IL34: variants seen among roughly 807,000 people sequenced by gnomAD.
IL34 encodes the protein interleukin 34.
IL34 carries 17 observed loss-of-function variants against 25.3 expected under a neutral mutation model. The observed-to-expected ratio is 0.67, with a 90% CI of 0.46 to 1.01. The LOEUF is 1.01. Among genes scored for constraint, IL34 ranks in the 50% least tolerant of loss-of-function variants. IL34 has a pLI of 0.00. For synonymous variants in IL34, 174 were observed against 140.9 expected, an observed-to-expected ratio of 1.23 and a Z score of -1.66; for missense variants, 368 against 312.9, an observed-to-expected ratio of 1.18 and a Z score of -1.33.
At chr16:70,584,757 G>A (rs1053715029) in intron 1 of IL34, among the ~76,000 whole-genome samples, 1 of 151,822 alleles carries the variant, frequency 6.6e-6, no homozygotes, top group African/African-American at 2.4e-5. Flanking sequence ...CTAGAGTCCA[G>A]TGGCATGATC....
upstream of IL34, among the ~76,000 whole-genome samples, chr16:70,644,162 A>G (rs1309943778): frequency 6.6e-6 from 1 of 152,172 alleles, no homozygotes; most frequent in Non-Finnish European, 1.5e-5. Context: ...TTTAGTAGAG[A>G]CAGGGTTTCA....
At chr16:70,582,396 G>A (rs1371551296) in intron 1 of IL34, among the ~76,000 whole-genome samples, 2 of 152,256 alleles carry the variant, frequency 1.3e-5, no homozygotes, top group East Asian at 1.9e-4. Flanking sequence ...GCCCCAGCCC[G>A]CTGTCACCGG....
intron 1 of IL34, among the ~76,000 whole-genome samples, chr16:70,605,504 C>A (rs1360907955): frequency 6.6e-6 from 1 of 152,134 alleles, no homozygotes; most frequent in Non-Finnish European, 1.5e-5. Flanking sequence ...ACCCATTAAA[C>A]AACTCCTCTT....
intron 1 of IL34, among the ~76,000 whole-genome samples, chr16:70,648,660 G>A (rs2052003413): frequency 6.6e-6 from 1 of 151,992 alleles, no homozygotes; most frequent in African/African-American, 2.4e-5. Context: ...GGCAAAGACT[G>A]GCTGGGGGAT....
chr16:70,600,037 G>C (rs1348359321), intron 1 of IL34, among the ~76,000 whole-genome samples: 1 of 152,008 alleles, frequency 6.6e-6, no homozygotes, highest in African/African-American at 2.4e-5. Context: ...CCAATGTAGA[G>C]TCCCCTGACA....
rs374146651 is a variant in IL34 at position 70,659,681 on chromosome 16, C to G, written c.466C>G (p.Leu156Val). 2 of 1,613,072 alleles carry G rather than the reference C, an allele frequency of 1.2e-6. No individual in the cohort carries two copies. Among genetic ancestry groups the G allele is most frequent in the African/African-American group, 1.3e-5 (1 of 75,028 alleles). ...LSLLNAPGPN[L>V]KLVRPKALLD... ...CCTCTTGAATGCCCCAGGGCCAAAC[C>G]TGAAGCTGGTGCGGCCCAAAGCCCT... The change falls in exon 5 of 6, where the codon CTG (leucine) becomes GTG (valine). Residue 156 changes from leucine to valine, a missense_variant. Physicochemically the swap from Leu to Val is conservative, Grantham distance 32 (BLOSUM62 1). Coordinates refer to ENST00000288098, the MANE Select transcript of IL34 (RefSeq NM_001393494.1).
intron 1 of IL34, among the ~76,000 whole-genome samples, chr16:70,637,185 C>T (rs1234629029): frequency 6.6e-6 from 1 of 151,606 alleles, no homozygotes; most frequent in African/African-American, 2.4e-5. Context: ...TTAATTTTTT[C>T]AGTTTATTTT....
chr16:70,640,925 G>C (rs2051767124), intron 1 of IL34, among the ~76,000 whole-genome samples: 1 of 152,056 alleles, frequency 6.6e-6, no homozygotes, highest in Non-Finnish European at 1.5e-5. Flanking sequence ...AGAAAAGGCT[G>C]AATGTACATA....
At chr16:70,619,424 G>A (rs2051231943) in intron 1 of IL34, among the ~76,000 whole-genome samples, 1 of 152,144 alleles carries the variant, frequency 6.6e-6, no homozygotes, top group African/African-American at 2.4e-5. Flanking sequence ...TTTAGTTAGA[G>A]TATCTCGGCC....
upstream of IL34, among the ~76,000 whole-genome samples, chr16:70,642,877 T>C (rs534106764): frequency 1.4e-5 from 2 of 139,674 alleles, no homozygotes; most frequent in Non-Finnish European, 3.0e-5. Context: ...GGCAAATCCA[T>C]AGAGACAGAA....
chr16:70,644,476 G>A (rs2051859458), upstream of IL34, among the ~76,000 whole-genome samples: 1 of 151,914 alleles, frequency 6.6e-6, no homozygotes, highest in Admixed American at 6.6e-5. Context: ...GAATTTTTTG[G>A]GTAGATGGAA....
At position 70,632,115 on chromosome 16, in the gene IL34, AAAAAG is replaced by A. The variant is rs1434078752; in HGVS notation, c.-400-14431_-400-14427del. On this transcript the variant is annotated intron_variant, in intron 1 of 6. Transcript: ENST00000429149. ...AGACCCTGTCTCAAAAAAAAAAAAA[AAAAAG>A]AGAAGATAATAGTTCCCAACTCCAG... Among the ~76,000 whole-genome samples, 10 of 150,834 alleles carry A rather than the reference AAAAAG, an allele frequency of 6.6e-5. No homozygotes were observed. The South Asian group carries it at 2.1e-3, about 31-fold the overall frequency.
chr16:70,649,413 G>A (rs535368156), intron 1 of IL34, among the ~76,000 whole-genome samples: 1 of 152,332 alleles, frequency 6.6e-6, no homozygotes, highest in African/African-American at 2.4e-5. Context: ...CCCAGGCGTT[G>A]CCATGGCAAT....
intron 1 of IL34, among the ~76,000 whole-genome samples, chr16:70,593,031 TG>T (rs2050775189): frequency 6.6e-6 from 1 of 152,160 alleles, no homozygotes; most frequent in African/African-American, 2.4e-5. Context: ...TTCACCATAT[TG>T]GCCAGGCTGG....
At chr16:70,602,771 C>T (rs1003198891) in intron 1 of IL34, among the ~76,000 whole-genome samples, 5 of 152,000 alleles carry the variant, frequency 3.3e-5, no homozygotes, top group African/African-American at 1.2e-4. Context: ...AACTCCTGAG[C>T]TCAAGGGATC....
intron 2 of IL34, among the ~76,000 whole-genome samples, chr16:70,655,786 G>T (rs1437537915): frequency 6.6e-6 from 1 of 151,980 alleles, no homozygotes; most frequent in Non-Finnish European, 1.5e-5. Flanking sequence ...ATAGCTCAGT[G>T]TAAACTTAAA....
At chr16:70,590,842 G>C (rs1476639355) in intron 1 of IL34, among the ~76,000 whole-genome samples, 2 of 152,018 alleles carry the variant, frequency 1.3e-5, no homozygotes, top group Non-Finnish European at 2.9e-5. Context: ...GCCTCTCCCT[G>C]CCCCCGCCCC....
Position 70,653,853 on chromosome 16 carries a change from C to T in IL34, c.29-685C>T, listed in dbSNP as rs140361823. Among the ~76,000 whole-genome samples the T allele has an allele frequency of 3.0e-4, 46 of 152,084 alleles. 1 individual carries two copies. In the Middle Eastern group the frequency reaches 0.014, roughly 45 times the overall value. ...GCGAATTCTCTCCTTTTTTTCTGTTCAGTCACATGGAAATCGTATAGGCTG... is the reference window on the plus strand; with the variant it reads ...GCGAATTCTCTCCTTTTTTTCTGTTTAGTCACATGGAAATCGTATAGGCTG... On this transcript the variant is annotated intron_variant, in intron 1 of 5. Transcript: ENST00000288098.
chr16:70,642,598 ATTTCT>A (rs1363803417), upstream of IL34, among the ~76,000 whole-genome samples: 1 of 151,892 alleles, frequency 6.6e-6, no homozygotes, highest in Non-Finnish European at 1.5e-5. Flanking sequence ...GCCCGGCCTG[ATTTCT>A]TTTCTTATAA....
Sources: allele counts gnomAD v4.1 joint callset (sites outside exome capture counted in the v4.1 genomes callset), GRCh38; gene constraint gnomAD v4.1.1; transcripts MANE v1.5; gene names NCBI Gene and HGNC (gene_info 2026-07-23, HGNC 2026-07-21).